Variants in ANXA3 observed in about 807,000 individuals in gnomAD.
ANXA3 encodes the protein annexin A3, also known as 35-alpha calcimedin.
In ANXA3, 46 loss-of-function variants were observed where a neutral mutation model predicts 48.8. That is an observed-to-expected ratio of 0.94 (90% CI 0.74 to 1.21). The LOEUF (loss-of-function observed/expected upper bound fraction) is 1.21. ANXA3 is among the 50% of genes most tolerant of loss of function. The pLI, the probability that ANXA3 is intolerant of heterozygous loss-of-function variation, is 0.00. For missense variants in ANXA3, 383 were observed against 378.6 expected (o/e 1.01, Z -0.10); for synonymous variants, 128 against 134.7 (o/e 0.95, Z 0.35).
chr4:78,568,619 T>C (rs957991439), intron 2 of ANXA3, among the ~76,000 whole-genome samples: 3 of 152,250 alleles, frequency 2.0e-5, no homozygotes, highest in Non-Finnish European at 4.4e-5. Context: ...TCTGTTTTTC[T>C]CTTCCACTCA....
intron 10 of ANXA3, among the ~76,000 whole-genome samples, chr4:78,599,671 G>T (rs985559068): frequency 6.6e-6 from 1 of 152,052 alleles, no homozygotes; most frequent in East Asian, 1.9e-4. Context: ...CATAGTGAGA[G>T]CAGCATTCTG....
At chr4:78,579,388 G>A (rs1255693480) in intron 4 of ANXA3, among the ~76,000 whole-genome samples, 1 of 152,144 alleles carries the variant, frequency 6.6e-6, no homozygotes, top group Non-Finnish European at 1.5e-5. Flanking sequence ...AACCAGAAGT[G>A]ATTTTGCTCC....
chr4:78,582,297 GC>G lies in ANXA3; in HGVS notation c.312+13del, dbSNP rs753441438. 5.0e-6 allele frequency: 8 copies of G among 1,586,312 alleles called. No individual in the cohort carries two copies. In the African/African-American group the frequency reaches 5.4e-5, roughly 11 times the overall value. ...GCTAAAGAAATCCATGAAGGTATGA[GC>G]CCCCCACAAGCCATTTCTGCCCAGG... On this transcript the variant is annotated splice_region_variant and intron_variant, in intron 5 of 12. Coordinates refer to ENST00000264908, the MANE Select transcript of ANXA3 (RefSeq NM_005139.3).
chr4:78,586,992 C>A (rs901436322), intron 6 of ANXA3, among the ~76,000 whole-genome samples: 1 of 152,152 alleles, frequency 6.6e-6, no homozygotes, highest in Non-Finnish European at 1.5e-5. Flanking sequence ...ACTACCCTCT[C>A]AGGTTGAATA....
Position 78,604,356 on chromosome 4 carries a change from A to C in ANXA3, c.869A>C (p.Glu290Ala). ...ATTGACCTTTTGGACATTCGAACAG[A>C]GTTCAAGAAGCATTATGGCTATTCC... ...SEIDLLDIRT[E>A]FKKHYGYSLY... The change falls in exon 12 of 13, where the codon GAG becomes GCG. Residue 290 changes from glutamate to alanine, a missense_variant. Coordinates refer to ENST00000264908, the MANE Select transcript of ANXA3 (RefSeq NM_005139.3). The C allele has an allele frequency of 1.2e-6, 2 of 1,613,364 alleles. No individual in the cohort carries two copies. Among genetic ancestry groups the C allele is most frequent in the Non-Finnish European group, 8.5e-7 (1 of 1,179,522 alleles).
At position 78,610,328 on chromosome 4, in the gene ANXA3, G is replaced by A. The variant is rs1004941215; in HGVS notation, c.*213G>A. 3 of 370,470 alleles carry A rather than the reference G, an allele frequency of 8.1e-6. No individual in the cohort carries two copies. The highest frequency in any genetic ancestry group is 9.1e-5 in the Admixed American group (2 of 22,008). The allele number at this position is 370,470 out of a possible 1,614,324, so 22.9% of individuals were successfully genotyped here. On this transcript the variant is annotated 3_prime_UTR_variant, in exon 13 of 13. Coordinates refer to ENST00000264908, the MANE Select transcript of ANXA3 (RefSeq NM_005139.3). ...GCAGCTCATAAATGAAATTGAAAAT[G>A]GTATTAAAGATCTGCAACTACTATC... is the stretch of plus-strand genomic sequence containing the variant.
chr4:78,599,322 C>G (rs909878982), intron 10 of ANXA3, among the ~76,000 whole-genome samples: 2 of 152,198 alleles, frequency 1.3e-5, no homozygotes, highest in Non-Finnish European at 2.9e-5. Context: ...AATCATTAAT[C>G]TACTTTCTGT....
At chr4:78,605,102 C>G (rs1723620714) in intron 12 of ANXA3, among the ~76,000 whole-genome samples, 1 of 152,180 alleles carries the variant, frequency 6.6e-6, no homozygotes, top group Non-Finnish European at 1.5e-5. Context: ...AGCTTTGGCA[C>G]AGAGGGTATT....
chr4:78,569,027 A>C (rs1228498587), intron 2 of ANXA3, among the ~76,000 whole-genome samples: 1 of 152,248 alleles, frequency 6.6e-6, no homozygotes, highest in Non-Finnish European at 1.5e-5. Context: ...GGATTGAATA[A>C]GCAAATGCAG....
At chr4:78,574,111 T>A (rs1459230590) in intron 3 of ANXA3, among the ~76,000 whole-genome samples, 1 of 152,168 alleles carries the variant, frequency 6.6e-6, no homozygotes, top group Admixed American at 6.5e-5. Flanking sequence ...ATTATCATAA[T>A]AAATCATTAC....
intron 2 of ANXA3, chr4:78,570,914 A>C (rs1177666062): frequency 6.6e-6 from 1 of 152,260 alleles, no homozygotes; most frequent in Admixed American, 6.5e-5. Context: ...AAATGAAGCC[A>C]GTTGGCTCTG....
intron 1 of ANXA3, among the ~76,000 whole-genome samples, chr4:78,552,624 G>A (rs1008709936): frequency 1.3e-5 from 2 of 152,152 alleles, no homozygotes; most frequent in South Asian, 2.1e-4. Context: ...GTCGCTGGAG[G>A]CCCCTCTGGC....
intron 3 of ANXA3, among the ~76,000 whole-genome samples, chr4:78,573,751 G>C (rs141926080): frequency 2.4e-4 from 36 of 152,324 alleles, no homozygotes; most frequent in Non-Finnish European, 4.9e-4. Flanking sequence ...CTGGGAAAAA[G>C]GTGATTTCTT....
intron 4 of ANXA3, 73 bp downstream of exon 4, chr4:78,579,194 C>A: frequency 1.0e-6 from 1 of 979,382 alleles, no homozygotes; most frequent in Non-Finnish European, 1.6e-6. Context: ...ATGGTTATGC[C>A]CACAGTCTTC....
intron 2 of ANXA3, among the ~76,000 whole-genome samples, chr4:78,556,821 T>C (rs532691177): frequency 5.3e-5 from 8 of 152,304 alleles, no homozygotes; most frequent in African/African-American, 1.7e-4. Context: ...CATGGAATTA[T>C]TTGGGCAGGC....
intron 2 of ANXA3, among the ~76,000 whole-genome samples, chr4:78,554,805 A>G (rs1316861888): frequency 6.6e-6 from 1 of 152,242 alleles, no homozygotes; most frequent in Non-Finnish European, 1.5e-5. Flanking sequence ...TATTCAATAA[A>G]TGTTAGGAAA....
chr4:78,554,335 G>C (rs1008579346), intron 1 of ANXA3, 101 bp from the exon 2 acceptor site: 6 of 824,504 alleles, frequency 7.3e-6, no homozygotes, highest in Admixed American at 2.0e-5. Flanking sequence ...TTCTGTGAAT[G>C]TTGACATCTG....
intron 10 of ANXA3, among the ~76,000 whole-genome samples, chr4:78,600,827 T>C (rs1283838272): frequency 3.9e-5 from 6 of 152,222 alleles, no homozygotes; most frequent in African/African-American, 1.4e-4. Context: ...TCTATTCCTA[T>C]TTTCTTTTTA....
intron 11 of ANXA3, chr4:78,603,325 G>C (rs1273318867): frequency 2.6e-5 from 4 of 152,106 alleles, no homozygotes; most frequent in African/African-American, 9.7e-5. Context: ...TTAGTATGTT[G>C]GCCATCATTA....
Sources: allele counts gnomAD v4.1 joint callset (sites outside exome capture counted in the v4.1 genomes callset), GRCh38; gene constraint gnomAD v4.1.1; transcripts MANE v1.5; gene names NCBI Gene and HGNC (gene_info 2026-07-23, HGNC 2026-07-21).